Variants in SYNE2 observed in about 807,000 individuals in gnomAD.
SYNE2 encodes the protein nesprin-2.
Under a neutral mutation model 856.3 loss-of-function variants are expected in SYNE2, and 431 were observed. That is an observed-to-expected ratio of 0.50 (90% CI 0.47 to 0.55). The LOEUF (loss-of-function observed/expected upper bound fraction) is 0.55. Ranked by LOEUF, SYNE2 falls within the 20% of genes least tolerant of loss-of-function variation. The pLI, the probability that SYNE2 is intolerant of heterozygous loss-of-function variation, is 0.00. For synonymous variants in SYNE2, 2,923 were observed against 2,872.3 expected (o/e 1.02, Z -0.56); for missense variants, 8,129 against 8,023.2 (o/e 1.01, Z -0.50).
Position 64,141,518 on chromosome 14 carries a change from C to T in SYNE2, c.15154C>T (p.His5052Tyr), listed in dbSNP as rs142758563. The T allele has an allele frequency of 5.0e-6, 8 of 1,613,860 alleles. No homozygotes were observed. Among genetic ancestry groups the T allele is most frequent in the African/African-American group, 2.7e-5 (2 of 75,036 alleles). ...TQLPDIQEKL[H>Y]QLQMEKLPSR... ...ACTTCCAGATATTCAAGAAAAACTT[C>T]ACCAGGTAAGTCTTTAGAGCCTCAG... Residue 5052 changes from histidine (H) to tyrosine (Y), a missense_variant, in exon 81 of 116, where the codon CAC becomes TAC. Coordinates refer to ENST00000555002, the MANE Select transcript of SYNE2 (RefSeq NM_182914.3).
At chr14:64,139,379 T>TAAA (rs146427287) in intron 79 of SYNE2, among the ~76,000 whole-genome samples, 40,534 of 151,458 alleles carry the variant, frequency 0.27, 8,721 homozygotes, top group African/African-American at 0.6. Context: ...TAATAAGAAA[T>TAAA]AAAGAATGCT....
In SYNE2 at chr14:64,159,346, G is replaced by A; in HGVS notation, c.15998G>A (p.Ser5333Asn). 1 of 1,614,010 alleles carries A rather than the reference G, an allele frequency of 6.2e-7. No homozygotes were observed. The highest frequency in any genetic ancestry group is 8.5e-7 in the Non-Finnish European group (1 of 1,179,908). ...LQDEAESSEGSWEKLQEVIGK... is the reference protein window; with the variant it reads ...LQDEAESSEGNWEKLQEVIGK... The stretch of plus-strand genomic sequence containing the variant: ...GATGAAGCTGAGAGCAGTGAAGGGA[G>A]TTGGGAGAAACTCCAGGAGGTTATC... The change falls in exon 87 of 116, where the codon AGT (serine) becomes AAT (asparagine). Residue 5333 changes from serine (S) to asparagine (N), a missense_variant. By Grantham distance (46) the Ser-to-Asn change is conservative. This residue lies in a region of SYNE2 where 5,410 missense variants were observed against 5,284.8 expected (regional missense o/e 1.02). Transcript: ENST00000555002.
At chr14:64,107,094 A>G (rs1479193353) in intron 64 of SYNE2, among the ~76,000 whole-genome samples, 2 of 152,176 alleles carry the variant, frequency 1.3e-5, no homozygotes, top group African/African-American at 2.4e-5. Context: ...AGCACAAGCA[A>G]TTCTTCTGCC....
At chr14:64,135,438 C>T (rs1029526546) in intron 78 of SYNE2, among the ~76,000 whole-genome samples, 7 of 151,364 alleles carry the variant, frequency 4.6e-5, no homozygotes, top group Non-Finnish European at 1.0e-4. Flanking sequence ...GTCTCATTGC[C>T]GCCTTATTAA....
chr14:64,011,585 C>T (rs1010479842), intron 32 of SYNE2, among the ~76,000 whole-genome samples: 1 of 152,146 alleles, frequency 6.6e-6, no homozygotes, highest in African/African-American at 2.4e-5. Context: ...ATTCAACAGA[C>T]CTTGAGACCC....
chr14:64,190,657 C>A, intron 99 of SYNE2: 2 of 700,506 alleles, frequency 2.9e-6, no homozygotes, highest in South Asian at 1.5e-5. Flanking sequence ...GGGCCCATGA[C>A]TGCCCCACTA....
Position 63,925,155 on chromosome 14 carries a change from A to T in SYNE2, c.80-15459A>T, listed in dbSNP as rs372191097. Among the ~76,000 whole-genome samples the T allele has an allele frequency of 3.3e-5, 5 of 151,828 alleles. No individual in the cohort carries two copies. In the East Asian group the frequency reaches 7.8e-4, roughly 24 times the overall value. On this transcript the variant is annotated intron_variant, in intron 2 of 115. Coordinates refer to ENST00000555002, the MANE Select transcript of SYNE2 (RefSeq NM_182914.3). Reference sequence around the variant, plus strand: ...TGTCTCTAAAAATAAATAGATAGATAGATAGACAGATAGCCAGCCAGCCAG... The same window carrying T: ...TGTCTCTAAAAATAAATAGATAGATTGATAGACAGATAGCCAGCCAGCCAG...
Position 64,152,691 on chromosome 14 carries a change from A to G in SYNE2, c.15767A>G (p.Gln5256Arg). Residue 5256 changes from glutamine (Q) to arginine (R), a missense_variant, in exon 85 of 116, where the codon CAA becomes CGA. This residue lies in a region of SYNE2 where 5,410 missense variants were observed against 5,284.8 expected (regional missense o/e 1.02). Transcript: ENST00000555002. Reference protein sequence around the residue: ...DTASRIDELFQKRSSVLTQVN... With the variant: ...DTASRIDELFRKRSSVLTQVN... The stretch of plus-strand genomic sequence containing the variant: ...GCATCCCGAATTGATGAGTTATTTC[A>G]AAAGAGAAGCAGTGTTCTCACTCAG... The G allele has an allele frequency of 1.2e-6, 2 of 1,614,152 alleles. No homozygotes were observed. Among genetic ancestry groups the G allele is most frequent in the East Asian group, 2.2e-5 (1 of 44,864 alleles).
intron 10 of SYNE2, among the ~76,000 whole-genome samples, chr14:63,966,360 C>CAAA (rs71123824): frequency 7.2e-6 from 1 of 138,714 alleles, no homozygotes. Context: ...ACAAAAAATA[C>CAAA]AAAAAAAAAA....
At chr14:63,951,743 CTA>C (rs145679361) in intron 7 of SYNE2, among the ~76,000 whole-genome samples, 2,028 of 152,266 alleles carry the variant, frequency 0.013, 45 homozygotes, top group African/African-American at 0.046. Flanking sequence ...CTCCAGTTTT[CTA>C]TATTTTAAAA....
chr14:64,012,295 C>T (rs980924157), intron 32 of SYNE2, among the ~76,000 whole-genome samples: 9 of 152,194 alleles, frequency 5.9e-5, no homozygotes, highest in African/African-American at 2.2e-4. Flanking sequence ...TTTCCAGCTT[C>T]CCAACTTCTC....
chr14:64,128,319 A>G (rs1330796551), intron 73 of SYNE2, 133 bp from the exon 74 acceptor site: 2 of 644,086 alleles, frequency 3.1e-6, no homozygotes, highest in Non-Finnish European at 5.6e-6. Context: ...AATGATGATA[A>G]AATGGGGATT....
intron 42 of SYNE2, 102 bp downstream of exon 42, chr14:64,026,832 A>G (rs536494888): frequency 7.1e-7 from 1 of 1,406,528 alleles, no homozygotes; most frequent in African/African-American, 1.4e-5. Flanking sequence ...AATATCTGCT[A>G]GAGAGAAAGT....
chr14:63,829,296 G>A (rs1221319704), intron 1 of SYNE2, among the ~76,000 whole-genome samples: 3 of 151,874 alleles, frequency 2.0e-5, no homozygotes, highest in Non-Finnish European at 4.4e-5. Context: ...ACGCACCTGT[G>A]GTACCAGCTA....
chr14:64,074,168 G>A, intron 53 of SYNE2, 32 bp downstream of exon 53: 1 of 1,603,468 alleles, frequency 6.2e-7, no homozygotes, highest in Non-Finnish European at 8.5e-7. Context: ...GAATGTGGCA[G>A]GTACAGGCCC....
intron 65 of SYNE2, among the ~76,000 whole-genome samples, chr14:64,110,797 A>T (rs915060614): frequency 5.3e-5 from 8 of 152,050 alleles, no homozygotes; most frequent in Admixed American, 2.0e-4. Flanking sequence ...GTAAAAAGGG[A>T]GGCATGTGGG....
intron 65 of SYNE2, among the ~76,000 whole-genome samples, chr14:64,107,951 A>G (rs1446188118): frequency 6.6e-6 from 1 of 152,248 alleles, no homozygotes; most frequent in Non-Finnish European, 1.5e-5. Context: ...AGCCTGTTAC[A>G]TAAAAGGCAT....
intron 65 of SYNE2, among the ~76,000 whole-genome samples, chr14:64,109,894 A>G (rs996748560): frequency 1.3e-5 from 2 of 152,188 alleles, no homozygotes; most frequent in Admixed American, 1.3e-4. Context: ...AAGTGTATTG[A>G]CCAAATGATA....
chr14:63,839,390 T>A (rs2139922150), intron 1 of SYNE2, among the ~76,000 whole-genome samples: 1 of 152,316 alleles, frequency 6.6e-6, no homozygotes, highest in Middle Eastern at 3.4e-3. Flanking sequence ...GGCCCTCATT[T>A]AAATTTTTCT....
Sources: gnomAD v4.1 joint callset for allele counts (sites outside exome capture counted in the v4.1 genomes callset) on GRCh38, gnomAD v4.1.1 for gene constraint, gnomAD v4.1.1 regional missense constraint, MANE v1.5 for transcripts, NCBI Gene and HGNC (gene_info 2026-07-23, HGNC 2026-07-21) for gene names.